Variants in FSIP1 observed in about 807,000 individuals in gnomAD.
FSIP1 encodes fibrous sheath interacting protein 1, also known as fibrous sheath-interacting protein 1.
In FSIP1, 65 loss-of-function variants were observed where a neutral mutation model predicts 60.9. The ratio of observed to expected loss-of-function variants is 1.07; its 90% CI spans 0.87 to 1.31. The LOEUF (loss-of-function observed/expected upper bound fraction) is 1.31. FSIP1 is among the 40% of genes most tolerant of loss of function. The probability of loss-of-function intolerance (pLI) is 0.00; values close to 1 mark genes in which losing one functional copy is unlikely to be tolerated. For missense variants in FSIP1, 675 were observed against 665.5 expected (o/e 1.01, Z -0.16); for synonymous variants, 209 against 221.2 (o/e 0.94, Z 0.49).
intron 2 of FSIP1, among the ~76,000 whole-genome samples, chr15:39,774,483 A>C (rs1404918137): frequency 6.6e-6 from 1 of 152,152 alleles, no homozygotes; most frequent in East Asian, 1.9e-4. Flanking sequence ...TCAAAAAAAA[A>C]AAAAAATACA....
chr15:39,648,818 C>T (rs1892741763), intron 10 of FSIP1, among the ~76,000 whole-genome samples: 1 of 152,060 alleles, frequency 6.6e-6, no homozygotes, highest in Admixed American at 6.5e-5. Context: ...AAAGATGACC[C>T]CTTCAAATAA....
At chr15:39,736,598 C>T (rs754678547) in intron 8 of FSIP1, among the ~76,000 whole-genome samples, 8 of 152,150 alleles carry the variant, frequency 5.3e-5, no homozygotes, top group Non-Finnish European at 7.3e-5. Context: ...TCCCACTGGA[C>T]GGGCACACCC....
intron 8 of FSIP1, among the ~76,000 whole-genome samples, chr15:39,735,346 T>C (rs1163928756): frequency 6.6e-6 from 1 of 152,234 alleles, no homozygotes; most frequent in East Asian, 1.9e-4. Flanking sequence ...ACCTGTACAG[T>C]ATGTTTTGTA....
At chr15:39,768,648 GCAGAAAATTTGGCCTCACA>G (rs1204255565) in intron 3 of FSIP1, among the ~76,000 whole-genome samples, 1 of 152,208 alleles carries the variant, frequency 6.6e-6, no homozygotes, top group African/African-American at 2.4e-5. Flanking sequence ...TAAAGTATAT[GCAGAAAATTTGGCCTCACA>G]CAGACAAGTG....
chr15:39,688,544 T>C (rs1894473628), intron 10 of FSIP1, among the ~76,000 whole-genome samples: 1 of 152,178 alleles, frequency 6.6e-6, no homozygotes, highest in Non-Finnish European at 1.5e-5. Context: ...ATCATAAAGT[T>C]GAAAAATCAT....
In FSIP1 at chr15:39,776,515, T is replaced by C. The variant is rs758223693; in HGVS notation, c.10A>G (p.Ile4Val). The C allele has an allele frequency of 1.9e-6, 3 of 1,605,988 alleles. No individual in the cohort carries two copies. Among genetic ancestry groups the C allele is most frequent in the Admixed American group, 1.7e-5 (1 of 59,068 alleles). Residue 4 changes from isoleucine to valine, a missense_variant, in exon 2 of 12, where the codon ATA (isoleucine) becomes GTA (valine). Ile to Val is a conservative substitution (Grantham distance 29, BLOSUM62 3). Coordinates refer to ENST00000350221, the MANE Select transcript of FSIP1 (RefSeq NM_152597.5). MDI[I>V]KGNLDGISKP... ...GAAATTCCATCTAGGTTTCCCTTTATAATATCCATTGAAATCCTGAAACAA... is the reference window on the plus strand; with the variant it reads ...GAAATTCCATCTAGGTTTCCCTTTACAATATCCATTGAAATCCTGAAACAA...
rs73395267 is a variant in FSIP1 at position 39,734,007 on chromosome 15, A to T, written c.891+4084T>A. ...GATGGAAAGGAAGAAATAATATAAG[A>T]TAATTTTCTGAGCTGAAGGAAGATT... On this transcript the variant is annotated intron_variant, in intron 8 of 11. Transcript: ENST00000350221. Among the ~76,000 whole-genome samples, 1,324 of 152,298 alleles carry T rather than the reference A, an allele frequency of 8.7e-3. 19 individuals carry two copies. Among genetic ancestry groups the T allele is most frequent in the African/African-American group, 0.03 (1,247 of 41,566 alleles).
chr15:39,715,996 G>A (rs764246989), intron 9 of FSIP1, among the ~76,000 whole-genome samples: 17 of 152,082 alleles, frequency 1.1e-4, no homozygotes, highest in African/African-American at 1.9e-4. Context: ...GCAGAACCGC[G>A]AGCCAATTAA....
chr15:39,687,650 A>G (rs1894437752), intron 10 of FSIP1, among the ~76,000 whole-genome samples: 1 of 152,176 alleles, frequency 6.6e-6, no homozygotes, highest in Non-Finnish European at 1.5e-5. Flanking sequence ...CTACCAAGCT[A>G]AAAGTTTGTC....
At chr15:39,634,001 C>A (rs910774118) in intron 10 of FSIP1, among the ~76,000 whole-genome samples, 16 of 152,182 alleles carry the variant, frequency 1.1e-4, no homozygotes, top group Admixed American at 9.8e-4. Flanking sequence ...CATCTACCAG[C>A]ACCTGTACCC....
intron 10 of FSIP1, among the ~76,000 whole-genome samples, chr15:39,662,433 A>G (rs1893334430): frequency 6.6e-6 from 1 of 152,248 alleles, no homozygotes; most frequent in East Asian, 1.9e-4. Context: ...CTACCCAAAA[A>G]AGGAGGCGGA....
intron 10 of FSIP1, among the ~76,000 whole-genome samples, chr15:39,632,646 A>C (rs1376142724): frequency 6.6e-6 from 1 of 152,142 alleles, no homozygotes; most frequent in South Asian, 2.1e-4. Flanking sequence ...TACAAAACTT[A>C]GCTGGGCATG....
chr15:39,721,154 T>C (rs1267456027), intron 9 of FSIP1, among the ~76,000 whole-genome samples: 1 of 152,214 alleles, frequency 6.6e-6, no homozygotes, highest in African/African-American at 2.4e-5. Context: ...CAACACCTCC[T>C]TCATCTCTGA....
At chr15:39,714,966 C>T (rs969039503) in intron 9 of FSIP1, among the ~76,000 whole-genome samples, 6 of 88,222 alleles carry the variant, frequency 6.8e-5, no homozygotes, top group East Asian at 3.3e-4. Context: ...GAATGAGACT[C>T]TGTCTCAAAA....
At chr15:39,632,966 A>G (rs1891964984) in intron 10 of FSIP1, among the ~76,000 whole-genome samples, 1 of 152,156 alleles carries the variant, frequency 6.6e-6, no homozygotes, top group Non-Finnish European at 1.5e-5. Context: ...TCGAAATACA[A>G]GGAGCATAAA....
chr15:39,703,482 T>C (rs946864052), intron 10 of FSIP1, among the ~76,000 whole-genome samples: 4 of 152,244 alleles, frequency 2.6e-5, no homozygotes, highest in Non-Finnish European at 5.9e-5. Flanking sequence ...TAACCTCTCT[T>C]GTTCCAAAAT....
chr15:39,759,195 A>G (rs1289039366), intron 5 of FSIP1, among the ~76,000 whole-genome samples: 1 of 152,100 alleles, frequency 6.6e-6, no homozygotes, highest in Non-Finnish European at 1.5e-5. Context: ...ACAAAATTAA[A>G]AAAAAAGTTA....
chr15:39,761,785 A>T (rs1421796837), intron 5 of FSIP1, among the ~76,000 whole-genome samples: 2 of 152,256 alleles, frequency 1.3e-5, no homozygotes, highest in African/African-American at 4.8e-5. Context: ...AGCTTGATTT[A>T]ATTATTCTAT....
rs183159561 is a variant in FSIP1, at chr15:39,687,297, G to A, written c.1188+26147C>T. 1.6e-3 allele frequency among the ~76,000 whole-genome samples: 236 copies of A among 151,828 alleles called. 1 individual carries two copies. The highest frequency in any genetic ancestry group is 0.01 in the Middle Eastern group (3 of 292). On this transcript the variant is annotated intron_variant, in intron 10 of 11. Transcript: ENST00000350221. ...AGCCTCCCAAGTAGCTAAGATTACA[G>A]GCATGTGCCACCACACCCAGCTAAT...
Sources: allele counts gnomAD v4.1 joint callset (sites outside exome capture counted in the v4.1 genomes callset), GRCh38; gene constraint gnomAD v4.1.1; transcripts MANE v1.5; gene names NCBI Gene and HGNC (gene_info 2026-07-23, HGNC 2026-07-21).